The following HSD17B12 variants were observed in gnomAD, a reference collection of about 807,000 sequenced individuals.
HSD17B12 encodes the protein very-long-chain 3-oxoacyl-CoA reductase.
Under a neutral mutation model 39.3 loss-of-function variants are expected in HSD17B12, and 32 were observed. The ratio of observed to expected loss-of-function variants is 0.81; its 90% CI spans 0.61 to 1.09. The LOEUF (loss-of-function observed/expected upper bound fraction) is 1.09, where lower values mean the gene tolerates loss of function less well. HSD17B12 is among the 50% of genes least tolerant of loss of function. The pLI is 0.00. For missense variants in HSD17B12, 342 were observed against 382.9 expected (o/e 0.89, Z 0.89); for synonymous variants, 150 against 146.7 (o/e 1.02, Z -0.16).
the HSD17B12 span, among the ~76,000 whole-genome samples, chr11:43,638,854 A>G: frequency 1.1e-4 from 17 of 152,300 alleles, no homozygotes; most frequent in East Asian, 3.3e-3. Context: ...CAGAACACTA[A>G]AAATGCTTTG....
the HSD17B12 span, among the ~76,000 whole-genome samples, chr11:43,643,085 AATC>A: frequency 6.6e-6 from 1 of 152,140 alleles, no homozygotes; most frequent in Non-Finnish European, 1.5e-5. Context: ...TCTGTGGAAA[AATC>A]AGACATTATG....
chr11:43,584,807 T>G, the HSD17B12 span: 3 of 152,426 alleles, frequency 2.0e-5, no homozygotes, highest in Admixed American at 6.5e-5. Flanking sequence ...CTCAAAGGCT[T>G]AGTCCTTGAC....
chr11:43,699,164 C>G (rs940446038), intron 1 of HSD17B12, among the ~76,000 whole-genome samples: 1 of 152,086 alleles, frequency 6.6e-6, no homozygotes, highest in Admixed American at 6.5e-5. Flanking sequence ...ACTTTCATAG[C>G]TTGACATAAC....
chr11:43,815,612 C>T (rs1951115058), intron 5 of HSD17B12, 111 bp downstream of exon 5: 1 of 582,546 alleles, frequency 1.7e-6, no homozygotes, highest in Non-Finnish European at 3.1e-6. Flanking sequence ...CACGCTGGCT[C>T]TTCTGTTTAC....
chr11:43,722,180 A>G (rs1318832022), intron 1 of HSD17B12, among the ~76,000 whole-genome samples: 2 of 152,226 alleles, frequency 1.3e-5, no homozygotes, highest in African/African-American at 2.4e-5. Flanking sequence ...GTGGGAATTG[A>G]GAGTTTTCTC....
chr11:43,825,059 A>G (rs536214313), intron 6 of HSD17B12, among the ~76,000 whole-genome samples: 33 of 151,782 alleles, frequency 2.2e-4, no homozygotes, highest in Admixed American at 3.9e-4. Flanking sequence ...TGAACCCAGG[A>G]GGCAGAGGTT....
At chr11:43,671,258 C>T in the HSD17B12 span, among the ~76,000 whole-genome samples, 1 of 152,152 alleles carries the variant, frequency 6.6e-6, no homozygotes, top group Non-Finnish European at 1.5e-5. Flanking sequence ...AGCGATTCTC[C>T]AGCCTCCACC....
chr11:43,650,851 A>G, the HSD17B12 span, among the ~76,000 whole-genome samples: 1 of 152,220 alleles, frequency 6.6e-6, no homozygotes, highest in Non-Finnish European at 1.5e-5. Flanking sequence ...GGAAATAAAC[A>G]TTTCAAAAGC....
chr11:43,854,354 T>C (rs900704632), intron 9 of HSD17B12: 20 of 175,244 alleles, frequency 1.1e-4, no homozygotes, highest in Non-Finnish European at 2.0e-4. Flanking sequence ...ATCTCCTACT[T>C]GGTGGTTCTG....
chr11:43,753,701 A>G (rs1309383201), intron 2 of HSD17B12, among the ~76,000 whole-genome samples: 2 of 151,856 alleles, frequency 1.3e-5, no homozygotes, highest in Non-Finnish European at 2.9e-5. Flanking sequence ...GGCGTGAACC[A>G]CTGTGCTTGG....
At chr11:43,568,461 G>C in the HSD17B12 span, among the ~76,000 whole-genome samples, 1 of 152,156 alleles carries the variant, frequency 6.6e-6, no homozygotes, top group Non-Finnish European at 1.5e-5. Context: ...ACATGGCAAG[G>C]CTTTGTCCAA....
At chr11:43,565,198 C>A in the HSD17B12 span, among the ~76,000 whole-genome samples, 4 of 152,172 alleles carry the variant, frequency 2.6e-5, no homozygotes, top group African/African-American at 9.7e-5. Context: ...CCATGCCCAG[C>A]GAGTCTTTCT....
rs960387165 is a variant in HSD17B12, at chr11:43,855,949, G to A, written c.*701G>A. The A allele has an allele frequency of 4.1e-5, 5 of 121,470 alleles. No individual in the cohort carries two copies. Among genetic ancestry groups the A allele is most frequent in the Non-Finnish European group, 8.6e-5 (5 of 57,974 alleles). The allele number at this position is 121,470 out of a possible 1,614,324, so 7.5% of individuals were successfully genotyped here. A position where few individuals can be genotyped will look rare whatever the true frequency, so the allele number is the denominator to read the frequency against. ...TGGTATGATTTATAAAGATAAATGGGCCAAAGTGTACATTGAGACTGGCAG... is the reference window on the plus strand; with the variant it reads ...TGGTATGATTTATAAAGATAAATGGACCAAAGTGTACATTGAGACTGGCAG... On this transcript the variant is annotated 3_prime_UTR_variant, in exon 11 of 11. Transcript: ENST00000278353.
chr11:43,601,634 G>A, the HSD17B12 span, among the ~76,000 whole-genome samples: 1 of 152,066 alleles, frequency 6.6e-6, no homozygotes, highest in South Asian at 2.1e-4. Flanking sequence ...TCTGGTTTGG[G>A]TGGGGTAATC....
At chr11:43,564,717 G>GT in the HSD17B12 span, among the ~76,000 whole-genome samples, 1 of 152,114 alleles carries the variant, frequency 6.6e-6, no homozygotes, top group Non-Finnish European at 1.5e-5. Flanking sequence ...GATCAAAGTT[G>GT]TTTTGACTTG....
chr11:43,713,406 G>A (rs949565736), intron 1 of HSD17B12, among the ~76,000 whole-genome samples: 2 of 151,512 alleles, frequency 1.3e-5, no homozygotes, highest in Non-Finnish European at 2.9e-5. Context: ...GCGATAGTTT[G>A]CTGAGAATGA....
the HSD17B12 span, among the ~76,000 whole-genome samples, chr11:43,665,731 T>C: frequency 2.6e-5 from 4 of 152,230 alleles, no homozygotes; most frequent in African/African-American, 9.6e-5. Flanking sequence ...AAGAAGATTC[T>C]ATTCCTGATA....
the HSD17B12 span, among the ~76,000 whole-genome samples, chr11:43,588,636 A>ATTATTAT: frequency 6.7e-6 from 1 of 149,472 alleles, no homozygotes; most frequent in Admixed American, 6.7e-5. Context: ...TATTATTATT[A>ATTATTAT]TAGTGTTCTC....
intron 6 of HSD17B12, among the ~76,000 whole-genome samples, chr11:43,817,020 A>ATC (rs1303199214): frequency 3.5e-5 from 1 of 28,280 alleles, no homozygotes; most frequent in African/African-American, 8.9e-5. Flanking sequence ...CTATATCTAT[A>ATC]TCTATATCTA....
Sources: gnomAD v4.1 joint callset for allele counts (sites outside exome capture counted in the v4.1 genomes callset) on GRCh38, gnomAD v4.1.1 for gene constraint, MANE v1.5 for transcripts, NCBI Gene and HGNC (gene_info 2026-07-23, HGNC 2026-07-21) for gene names.